ATXN7: variants seen among roughly 807,000 people sequenced by gnomAD.
ATXN7 encodes the protein ataxin-7.
Under a neutral mutation model 70.5 loss-of-function variants are expected in ATXN7, and 12 were observed. That is an observed-to-expected ratio of 0.17 (90% confidence interval 0.11 to 0.28). ATXN7 has a LOEUF of 0.28. Among genes scored for constraint, ATXN7 ranks in the 10% least tolerant of loss-of-function variants. The pLI, the probability that ATXN7 is intolerant of heterozygous loss-of-function variation, is 1.00. For missense variants in ATXN7, 1,256 were observed against 1,131.7 expected (o/e 1.11, Z -1.58); for synonymous variants, 498 against 448.7 (o/e 1.11, Z -1.39).
chr3:63,997,966 CCTT>C, intron 12 of ATXN7: 2 of 985,326 alleles, frequency 2.0e-6, no homozygotes, highest in Non-Finnish European at 2.4e-6. Flanking sequence ...GTGTGCTTTT[CCTT>C]CTTGGTTTGT....
At chr3:63,982,746 G>C in intron 7 of ATXN7, 193 bp from the exon 8 acceptor site, 1 of 611,998 alleles carries the variant, frequency 1.6e-6, no homozygotes, top group East Asian at 2.8e-5. Flanking sequence ...GATGGCAGTA[G>C]TCACCCCCTG....
intron 1 of ATXN7, among the ~76,000 whole-genome samples, chr3:63,871,623 G>A (rs185683451): frequency 2.6e-5 from 4 of 152,134 alleles, no homozygotes; most frequent in Admixed American, 1.3e-4. Context: ...AGTGGAATAT[G>A]CTGCAATCTT....
intron 5 of ATXN7, among the ~76,000 whole-genome samples, chr3:63,970,620 A>G (rs903199658): frequency 4.6e-5 from 7 of 152,198 alleles, no homozygotes; most frequent in African/African-American, 1.7e-4. Flanking sequence ...CACATACTTG[A>G]AAGCAGAGTT....
chr3:63,953,104 A>G (rs964859131), intron 5 of ATXN7, among the ~76,000 whole-genome samples: 16 of 152,132 alleles, frequency 1.1e-4, no homozygotes, highest in African/African-American at 3.9e-4. Flanking sequence ...CACAGAGTTT[A>G]CAGTCGAATT....
intron 1 of ATXN7, among the ~76,000 whole-genome samples, chr3:63,896,262 C>G (rs951383327): frequency 1.6e-5 from 2 of 126,002 alleles, no homozygotes; most frequent in Non-Finnish European, 3.8e-5. Context: ...TCTCCCACTG[C>G]TAACTGGCCA....
chr3:63,997,973 G>C lies in ATXN7; in HGVS notation c.2662-1477G>C, dbSNP rs1350801948. Reference sequence around the variant, plus strand: ...AATGAGAAGTGTGCTTTTCCTTCTTGGTTTGTAGTTACTCATTACAGTTTA... The same window carrying C: ...AATGAGAAGTGTGCTTTTCCTTCTTCGTTTGTAGTTACTCATTACAGTTTA... On this transcript the variant is annotated intron_variant, in intron 12 of 12. Coordinates refer to ENST00000674280, the MANE Select transcript of ATXN7 (RefSeq NM_001377405.1). 6.1e-6 allele frequency: 6 copies of C among 985,232 alleles called. No individual in the cohort carries two copies. The East Asian group carries it at 5.7e-4, about 93-fold the overall frequency. The allele number at this position is 985,232 out of a possible 1,614,324, so 61.0% of individuals were successfully genotyped here.
intron 4 of ATXN7, among the ~76,000 whole-genome samples, chr3:63,930,878 A>T (rs929211528): frequency 3.3e-5 from 5 of 152,038 alleles, no homozygotes; most frequent in African/African-American, 1.2e-4. Flanking sequence ...CTGCTTAAGA[A>T]TTTTTGCACC....
chr3:63,948,650 T>G (rs2074905249), intron 4 of ATXN7, among the ~76,000 whole-genome samples: 3 of 152,184 alleles, frequency 2.0e-5, no homozygotes, highest in Admixed American at 2.0e-4. Context: ...CACCACAGTT[T>G]GGGGTATGGT....
At chr3:63,900,946 T>C (rs1703615351) in intron 2 of ATXN7, 2 of 152,258 alleles carry the variant, frequency 1.3e-5, no homozygotes, top group Admixed American at 1.3e-4. Flanking sequence ...ATCCGGTCCA[T>C]GATCCATCTA....
intron 4 of ATXN7, among the ~76,000 whole-genome samples, chr3:63,936,819 T>TC (rs1419064420): frequency 1.3e-5 from 2 of 152,360 alleles, no homozygotes; most frequent in East Asian, 3.9e-4. Context: ...TTTTTCTTTA[T>TC]CCGTGATTCT....
chr3:63,979,082 C>T (rs1371085339), intron 5 of ATXN7, among the ~76,000 whole-genome samples: 1 of 152,236 alleles, frequency 6.6e-6, no homozygotes, highest in Non-Finnish European at 1.5e-5. Context: ...CTGATGGTAA[C>T]ATTCTTCAAC....
chr3:63,927,759 T>C (rs544788371), intron 4 of ATXN7, among the ~76,000 whole-genome samples: 4 of 152,282 alleles, frequency 2.6e-5, no homozygotes, highest in African/African-American at 9.6e-5. Context: ...TTCTAGGCCT[T>C]TTTCTTTCCA....
chr3:63,987,626 A>T lies in ATXN7; in HGVS notation c.1096-433A>T, dbSNP rs114337555. Among the ~76,000 whole-genome samples, 1,106 of 152,294 alleles carry T rather than the reference A, an allele frequency of 7.3e-3. 10 individuals carry two copies. The highest frequency in any genetic ancestry group is 0.011 in the Non-Finnish European group (721 of 68,018). Reference sequence around the variant, plus strand: ...AAGAACACTTTCTGATACATGTTTTATGGAATGATTGTTTCTTCCCTTTAC... The same window carrying T: ...AAGAACACTTTCTGATACATGTTTTTTGGAATGATTGTTTCTTCCCTTTAC... On this transcript the variant is annotated intron_variant, in intron 8 of 12. Coordinates refer to ENST00000674280, the MANE Select transcript of ATXN7 (RefSeq NM_001377405.1).
At chr3:63,987,048 G>A (rs2075588992) in intron 8 of ATXN7, among the ~76,000 whole-genome samples, 1 of 152,208 alleles carries the variant, frequency 6.6e-6, no homozygotes, top group Admixed American at 6.5e-5. Context: ...GATCTCAGCA[G>A]TATGGAATGG....
chr3:63,909,615 A>G (rs1201124406), intron 2 of ATXN7, among the ~76,000 whole-genome samples: 1 of 152,214 alleles, frequency 6.6e-6, no homozygotes, highest in African/African-American at 2.4e-5. Context: ...CAAAATTCAG[A>G]TATCAGATGC....
At chr3:63,919,028 A>C (rs1380544150) in intron 4 of ATXN7, among the ~76,000 whole-genome samples, 1 of 140,040 alleles carries the variant, frequency 7.1e-6, no homozygotes, top group Non-Finnish European at 1.5e-5. Flanking sequence ...AGGAACCCCC[A>C]GAGACCCAGA....
At chr3:63,901,892 A>T (rs1703655430) in intron 2 of ATXN7, 3 of 152,260 alleles carry the variant, frequency 2.0e-5, no homozygotes, top group African/African-American at 7.2e-5. Context: ...GAAACCAAAC[A>T]CAAAGACCAC....
At chr3:63,959,106 A>G (rs2106683288) in intron 5 of ATXN7, among the ~76,000 whole-genome samples, 1 of 152,368 alleles carries the variant, frequency 6.6e-6, no homozygotes, top group African/African-American at 2.4e-5. Flanking sequence ...GATTTAGCGT[A>G]GTCATTGGAT....
At chr3:63,977,411 G>A (rs972455580) in intron 5 of ATXN7, among the ~76,000 whole-genome samples, 1 of 152,138 alleles carries the variant, frequency 6.6e-6, no homozygotes, top group African/African-American at 2.4e-5. Context: ...GATACCTAGA[G>A]TGTACTTCTT....
Sources: gnomAD v4.1 joint callset for allele counts (sites outside exome capture counted in the v4.1 genomes callset) on GRCh38, gnomAD v4.1.1 for gene constraint, MANE v1.5 for transcripts, NCBI Gene and HGNC (gene_info 2026-07-23, HGNC 2026-07-21) for gene names.